Variants in DGLUCY observed in about 807,000 individuals in gnomAD.
DGLUCY encodes the protein D-glutamate cyclase, mitochondrial.
In DGLUCY, 58 loss-of-function variants were observed where a neutral mutation model predicts 58.5. The ratio of observed to expected loss-of-function variants is 0.99; its 90% CI spans 0.80 to 1.23. The LOEUF (loss-of-function observed/expected upper bound fraction) is 1.23. Ranked by LOEUF, DGLUCY falls within the 50% of genes most tolerant of loss-of-function variation. The pLI, the probability that DGLUCY is intolerant of heterozygous loss-of-function variation, is 0.00. For synonymous variants in DGLUCY, 325 were observed against 314.1 expected (o/e 1.03, Z -0.37); for missense variants, 779 against 784.7 (o/e 0.99, Z 0.09).
chr14:91,205,330 G>C (rs1884372021), intron 12 of DGLUCY, among the ~76,000 whole-genome samples: 3 of 152,214 alleles, frequency 2.0e-5, no homozygotes, highest in African/African-American at 7.2e-5. Flanking sequence ...CTTCTGCCTT[G>C]GGCTGCCCTG....
chr14:91,210,857 T>C (rs1885569022), intron 12 of DGLUCY, among the ~76,000 whole-genome samples: 1 of 152,224 alleles, frequency 6.6e-6, no homozygotes, highest in Non-Finnish European at 1.5e-5. Flanking sequence ...TTGGAAGTGC[T>C]GCCTAATGCC....
intron 1 of DGLUCY, among the ~76,000 whole-genome samples, chr14:91,121,731 T>C (rs2045379939): frequency 6.6e-6 from 1 of 152,072 alleles, no homozygotes; most frequent in East Asian, 1.9e-4. Flanking sequence ...TATTTATCTA[T>C]CATCAAGTAT....
intron 1 of DGLUCY, among the ~76,000 whole-genome samples, chr14:91,099,528 C>CAAA (rs11349730): frequency 7.4e-6 from 1 of 134,642 alleles, no homozygotes; most frequent in Admixed American, 7.5e-5. Flanking sequence ...GACCCAATCT[C>CAAA]AAAAAAAAAA....
At chr14:91,078,212 A>G (rs2044063232) in intron 1 of DGLUCY, among the ~76,000 whole-genome samples, 1 of 152,158 alleles carries the variant, frequency 6.6e-6, no homozygotes, top group Admixed American at 6.6e-5. Context: ...TATTTTTAGT[A>G]GAGACGGGGT....
upstream of DGLUCY, among the ~76,000 whole-genome samples, chr14:91,103,806 T>C (rs1390880710): frequency 2.0e-5 from 3 of 148,746 alleles, no homozygotes; most frequent in Admixed American, 6.8e-5. Context: ...CAAACACATA[T>C]ATGAAACACA....
chr14:91,157,728 C>T (rs1439685594), intron 2 of DGLUCY, 38 bp downstream of exon 2: 5 of 152,054 alleles, frequency 3.3e-5, no homozygotes, highest in Admixed American at 2.0e-4. Context: ...CCAGCATGCA[C>T]GGTGGGTGAC....
At chr14:91,060,688 C>T in exon 1 of DGLUCY, 1 of 372,410 alleles carries the variant, frequency 2.7e-6, no homozygotes. Context: ...CAGGCCGCTC[C>T]GCCCACAGCC....
At position 91,189,241 on chromosome 14, in the gene DGLUCY, A is replaced by C. The variant is rs909557341; in HGVS notation, c.1195+71A>C. The C allele has an allele frequency of 3.8e-6, 6 of 1,576,530 alleles. No homozygotes were observed. In the Admixed American group the frequency reaches 6.8e-5, roughly 18 times the overall value. The stretch of plus-strand genomic sequence containing the variant: ...TGGACGGAGGCTGGAGGGAATCAGC[A>C]TCTGCAGTACAGAGCATTCTCCTTC... On this transcript the variant is annotated intron_variant, in intron 9 of 13. Coordinates refer to ENST00000256324, the MANE Select transcript of DGLUCY (RefSeq NM_001102368.3).
At chr14:91,224,544 A>T in intron 13 of DGLUCY, 140 bp from the exon 14 acceptor site, 5 of 799,240 alleles carry the variant, frequency 6.3e-6, no homozygotes, top group Non-Finnish European at 7.5e-6. Context: ...CAATGGTATT[A>T]GTACTTTAAA....
intron 1 of DGLUCY, among the ~76,000 whole-genome samples, chr14:91,089,564 G>A (rs1165273967): frequency 2.6e-5 from 4 of 152,178 alleles, no homozygotes; most frequent in African/African-American, 4.8e-5. Flanking sequence ...GCTTGCACCT[G>A]TAATCCCAGC....
intron 1 of DGLUCY, among the ~76,000 whole-genome samples, chr14:91,108,267 T>G (rs1380709797): frequency 6.6e-6 from 1 of 152,040 alleles, no homozygotes; most frequent in Admixed American, 6.6e-5. Flanking sequence ...ATTTTGGTAC[T>G]GGGTTCATCA....
chr14:91,162,829 G>GGAGGTTGCAGTGAGCC (rs1294122408), intron 3 of DGLUCY, among the ~76,000 whole-genome samples: 1 of 151,844 alleles, frequency 6.6e-6, no homozygotes, highest in Non-Finnish European at 1.5e-5. Flanking sequence ...CCCAGAAGGC[G>GGAGGTTGCAGTGAGCC]GAGGTTGCAG....
At chr14:91,181,641 C>T (rs1309993834) in intron 8 of DGLUCY, among the ~76,000 whole-genome samples, 2 of 134,432 alleles carry the variant, frequency 1.5e-5, no homozygotes, top group African/African-American at 5.5e-5. Context: ...CTTTCTTTCT[C>T]TTTCTTTCTT....
chr14:91,147,322 CAT>C (rs2047063895), intron 1 of DGLUCY, among the ~76,000 whole-genome samples: 1 of 152,108 alleles, frequency 6.6e-6, no homozygotes, highest in Non-Finnish European at 1.5e-5. Context: ...CAGGAATACT[CAT>C]AAAATGAAAT....
chr14:91,200,657 G>A (rs11159996), intron 11 of DGLUCY, among the ~76,000 whole-genome samples: 151,301 of 152,090 alleles, frequency 0.99, 75,265 homozygotes, highest in Non-Finnish European at 1. Flanking sequence ...GCTCACTGCA[G>A]CCTCCACCTC....
At chr14:91,116,697 G>A (rs972246417) in intron 1 of DGLUCY, among the ~76,000 whole-genome samples, 1 of 152,136 alleles carries the variant, frequency 6.6e-6, no homozygotes, top group Non-Finnish European at 1.5e-5. Flanking sequence ...TGAAATCCCA[G>A]CACTTTGGGA....
At chr14:91,154,399 G>T (rs531485971) in intron 1 of DGLUCY, among the ~76,000 whole-genome samples, 2 of 152,254 alleles carry the variant, frequency 1.3e-5, no homozygotes, top group African/African-American at 4.8e-5. Context: ...ATATGCATTT[G>T]TCTCAGGTGA....
At chr14:91,122,624 A>G (rs1324034291) in intron 1 of DGLUCY, among the ~76,000 whole-genome samples, 1 of 7,504 alleles carries the variant, frequency 1.3e-4, no homozygotes, top group Admixed American at 1.6e-3. Flanking sequence ...TTTTTTTGAG[A>G]TAGAGTCTCA....
At chr14:91,116,176 TAA>T in intron 1 of DGLUCY, among the ~76,000 whole-genome samples, 1 of 149,452 alleles carries the variant, frequency 6.7e-6, no homozygotes, top group East Asian at 1.9e-4. Context: ...GTATTTGCAT[TAA>T]AAAAAAAAGT....
Sources: gnomAD v4.1 joint callset for allele counts (sites outside exome capture counted in the v4.1 genomes callset) on GRCh38, gnomAD v4.1.1 for gene constraint, MANE v1.5 for transcripts, NCBI Gene and HGNC (gene_info 2026-07-23, HGNC 2026-07-21) for gene names.